The following RET variants were observed in gnomAD, a reference collection of about 807,000 sequenced individuals.
The protein encoded by RET is proto-oncogene tyrosine-protein kinase receptor Ret.
A neutral mutation model predicts 118.3 loss-of-function variants in RET; 19 were observed. The observed-to-expected ratio is 0.16, with a 90% CI of 0.11 to 0.24. RET has a LOEUF of 0.24. Among genes scored for constraint, RET ranks in the 10% least tolerant of loss-of-function variants. The pLI, the probability that RET is intolerant of heterozygous loss-of-function variation, is 1.00. For missense variants in RET, 1,219 were observed against 1,502.1 expected (o/e 0.81, Z 3.12); for synonymous variants, 597 against 644.1 (o/e 0.93, Z 1.11).
intron 5 of RET, among the ~76,000 whole-genome samples, chr10:43,108,669 G>A (rs1210957491): frequency 2.0e-5 from 3 of 151,952 alleles, no homozygotes; most frequent in Non-Finnish European, 4.4e-5. Context: ...ATACACACAG[G>A]CACCAATACC....
rs762952212 is a variant in RET, at chr10:43,128,157, C to T, written c.3233C>T (p.Thr1078Met). The stretch of plus-strand genomic sequence containing the variant: ...CCTGGAGAGAGTCCTGTACCACTCA[C>T]GAGAGCTGATGGCACTAACACTGGG... ...NWPGESPVPL[T>M]RADGTNTGFP... The change falls in exon 20 of 20, where the codon ACG becomes ATG. Residue 1078 changes from threonine (T) to methionine (M), a missense_variant. Physicochemically the swap from Thr to Met is moderately conservative, Grantham distance 81. Transcript: ENST00000355710. 46 of 1,614,046 alleles carry T rather than the reference C, an allele frequency of 2.8e-5. No homozygotes were observed. Among genetic ancestry groups the T allele is most frequent in the Non-Finnish European group, 3.5e-5 (41 of 1,180,032 alleles).
rs747186828 is a variant in RET, at chr10:43,123,845, G to A, written c.2939+37G>A. 7.4e-6 allele frequency: 12 copies of A among 1,613,308 alleles called. No individual in the cohort carries two copies. The South Asian group carries it at 1.3e-4, about 18-fold the overall frequency. On this transcript the variant is annotated intron_variant, in intron 17 of 19. Transcript: ENST00000355710. ...CTGGCTTTGGCCCAGCCTCACTTGG[G>A]AAGGGAGGGGACATCTGTGTGCATT...
chr10:43,119,752 G>C lies in RET; in HGVS notation c.2607+7G>C. On this transcript the variant is annotated splice_region_variant and intron_variant, in intron 14 of 19. Transcript: ENST00000355710. ...GTATCTGGCCGAGATGAAGGTGCGT[G>C]CATATGGCTCTGCACCCAGCCAGCC... 1 of 1,612,230 alleles carries C rather than the reference G, an allele frequency of 6.2e-7. No homozygotes were observed. Among genetic ancestry groups the C allele is most frequent in the South Asian group, 1.1e-5 (1 of 91,072 alleles).
chr10:43,123,364 AT>A (rs1181088784), intron 16 of RET, among the ~76,000 whole-genome samples: 3 of 152,244 alleles, frequency 2.0e-5, no homozygotes, highest in Non-Finnish European at 4.4e-5. Context: ...TTAATGTATC[AT>A]TAATTCATTA....
At chr10:43,121,264 CAT>C (rs1838212115) in intron 15 of RET, among the ~76,000 whole-genome samples, 1 of 152,244 alleles carries the variant, frequency 6.6e-6, no homozygotes, top group Non-Finnish European at 1.5e-5. Context: ...ATAAATCCCT[CAT>C]GTGTTTAAGT....
At chr10:43,093,785 T>C (rs945472714) in intron 1 of RET, among the ~76,000 whole-genome samples, 3 of 152,048 alleles carry the variant, frequency 2.0e-5, no homozygotes, top group Admixed American at 6.5e-5. Flanking sequence ...CCAGACCTTA[T>C]GTAGAGTGGA....
At chr10:43,096,541 G>C (rs76837320) in intron 1 of RET, among the ~76,000 whole-genome samples, 5,085 of 152,242 alleles carry the variant, frequency 0.033, 158 homozygotes, top group East Asian at 0.12. Flanking sequence ...ATACACCCCT[G>C]TGCAGAGGTG....
chr10:43,108,604 G>A (rs542967345), intron 5 of RET, among the ~76,000 whole-genome samples: 2 of 152,066 alleles, frequency 1.3e-5, no homozygotes, highest in African/African-American at 2.4e-5. Context: ...CTATTCAGTT[G>A]GTCCGGGGAC....
chr10:43,108,182 CAAA>C lies in RET; in HGVS notation c.1064-837_1064-835del, dbSNP rs1265403086. 3.4e-4 allele frequency among the ~76,000 whole-genome samples: 38 copies of C among 110,598 alleles called. No homozygotes were observed. The East Asian group carries it at 8.9e-3, about 26-fold the overall frequency. 72.6% of individuals were successfully genotyped at this position (110,598 alleles called of 152,430 possible). A position where few individuals can be genotyped will look rare whatever the true frequency, so the allele number is the denominator to read the frequency against. Reference sequence around the variant, plus strand: ...GCAACATGGTGAAACCCTGTCTCTACAAAAAAAAAAAAAATACAAAAAATTAGC... The same window carrying C: ...GCAACATGGTGAAACCCTGTCTCTACAAAAAAAAAAATACAAAAAATTAGC... On this transcript the variant is annotated intron_variant, in intron 5 of 19. Coordinates refer to ENST00000355710, the MANE Select transcript of RET (RefSeq NM_020975.6).
intron 4 of RET, among the ~76,000 whole-genome samples, chr10:43,105,466 C>G (rs980346581): frequency 6.6e-6 from 1 of 152,078 alleles, no homozygotes; most frequent in African/African-American, 2.4e-5. Context: ...CAGGCGGGCG[C>G]GGCGCGCTGC....
chr10:43,087,180 GCGTGCAGGGAT>G (rs1564484704), intron 1 of RET, among the ~76,000 whole-genome samples: 1 of 152,230 alleles, frequency 6.6e-6, no homozygotes, highest in African/African-American at 2.4e-5. Flanking sequence ...CCATGTTCGT[GCGTGCAGGGAT>G]CGTGGTGCCT....
intron 1 of RET, among the ~76,000 whole-genome samples, chr10:43,081,290 T>C (rs1447043415): frequency 2.0e-5 from 3 of 152,112 alleles, no homozygotes; most frequent in Admixed American, 6.5e-5. Flanking sequence ...CTGCAATTAT[T>C]TTTCAGCAGA....
intron 1 of RET, 30 bp downstream of exon 1, chr10:43,077,361 GGGGCCAGGGCGAAGTTGGCGCCGAGCAGC>G: frequency 6.7e-7 from 1 of 1,502,812 alleles, no homozygotes; most frequent in East Asian, 2.7e-5. Context: ...GGCTCCCGCA[GGGGCCAGGGCGAAGTTGGCGCCGAGCAGC>G]GGAGCGGGCG....
chr10:43,098,348 C>T (rs909648397), intron 1 of RET, among the ~76,000 whole-genome samples: 10 of 151,738 alleles, frequency 6.6e-5, no homozygotes, highest in African/African-American at 2.4e-4. Context: ...CATCCTTTTG[C>T]AATGGGCTTA....
chr10:43,105,610 C>T (rs796068563), intron 4 of RET, among the ~76,000 whole-genome samples: 46 of 152,308 alleles, frequency 3.0e-4, no homozygotes, highest in African/African-American at 1.0e-3. Context: ...TCCGGCGCCG[C>T]CCGCCCCGCC....
At chr10:43,111,514 G>A (rs2132779584) in intron 7 of RET, 49 bp downstream of exon 7, 1 of 1,582,224 alleles carries the variant, frequency 6.3e-7, no homozygotes, top group Non-Finnish European at 8.6e-7. Context: ...GGGGCTTCTG[G>A]AGCCTGGGCC....
At chr10:43,108,041 AG>A (rs1204820995) in intron 5 of RET, among the ~76,000 whole-genome samples, 1 of 152,022 alleles carries the variant, frequency 6.6e-6, no homozygotes, top group Non-Finnish European at 1.5e-5. Context: ...TAAAAAAAAA[AG>A]GTTTTTAACA....
rs780120451 is a variant in RET, at chr10:43,102,607, C to T, written c.603C>T (p.Ser201=). 1.7e-5 allele frequency: 28 copies of T among 1,614,170 alleles called. No homozygotes were observed. In the East Asian group the frequency reaches 2.7e-4, roughly 15 times the overall value. ...LPVQFLCPNI[S]VAYRLLEGEG... ...TGCAGTTCTTGTGCCCCAACATCAG[C>T]GTGGCCTACAGGCTCCTGGAGGGTG... Residue 201 remains serine, a synonymous_variant, in exon 3 of 20, where the codon AGC becomes AGT. Transcript: ENST00000355710.
chr10:43,093,475 G>A (rs1837451585), intron 1 of RET, among the ~76,000 whole-genome samples: 2 of 152,332 alleles, frequency 1.3e-5, no homozygotes, highest in South Asian at 4.1e-4. Flanking sequence ...GGAGTAGAGA[G>A]AGCAAGGCAT....
Sources: allele counts gnomAD v4.1 joint callset (sites outside exome capture counted in the v4.1 genomes callset), GRCh38; gene constraint gnomAD v4.1.1; transcripts MANE v1.5; gene names NCBI Gene and HGNC (gene_info 2026-07-23, HGNC 2026-07-21).